Variants in RHOT1 observed in about 807,000 individuals in gnomAD.
RHOT1 encodes the protein ras homolog family member T1.
In RHOT1, 27 loss-of-function variants were observed where a neutral mutation model predicts 95.3. The ratio of observed to expected loss-of-function variants is 0.28; its 90% confidence interval spans 0.21 to 0.39. RHOT1 has a LOEUF of 0.39. Among genes scored for constraint, RHOT1 ranks in the 10% least tolerant of loss-of-function variants. RHOT1 has a pLI of 1.00. For missense variants in RHOT1, 578 were observed against 786.7 expected (o/e 0.73, Z 3.17); for synonymous variants, 227 against 263.5 (o/e 0.86, Z 1.34).
chr17:32,148,697 A>C (rs932383154), intron 1 of RHOT1, among the ~76,000 whole-genome samples: 1 of 152,250 alleles, frequency 6.6e-6, no homozygotes, highest in Admixed American at 6.5e-5. Flanking sequence ...TAACTTAGGA[A>C]GAGCCAACAA....
intron 6 of RHOT1, among the ~76,000 whole-genome samples, chr17:32,182,242 C>G (rs2035694134): frequency 6.6e-6 from 1 of 152,066 alleles, no homozygotes. Flanking sequence ...TAGCTCATAC[C>G]TATCATCCCA....
chr17:32,161,400 A>G (rs965823069), intron 1 of RHOT1, among the ~76,000 whole-genome samples: 3 of 152,222 alleles, frequency 2.0e-5, no homozygotes, highest in East Asian at 1.9e-4. Flanking sequence ...TGTAGGCTCT[A>G]TTATCGTGAT....
intron 14 of RHOT1, among the ~76,000 whole-genome samples, chr17:32,202,518 ATGTT>A (rs1405222365): frequency 2.0e-5 from 3 of 152,182 alleles, no homozygotes; most frequent in African/African-American, 7.2e-5. Context: ...GATGAAATAA[ATGTT>A]TGGTTACTCG....
In RHOT1 at chr17:32,225,246, C is replaced by G. The variant is rs2039063833; in HGVS notation, c.*513C>G. ...ATACAAGTCAGTGTCAGCTTACCAA[C>G]ATGACATTTTTTCAGTCAGTTGTGG... On this transcript the variant is annotated 3_prime_UTR_variant, in exon 20 of 20. Coordinates refer to ENST00000545287, the MANE Select transcript of RHOT1 (RefSeq NM_001033566.3). The G allele has an allele frequency of 6.5e-6, 1 of 153,660 alleles. No homozygotes were observed. Among genetic ancestry groups the G allele is most frequent in the Non-Finnish European group, 1.5e-5 (1 of 68,704 alleles). 9.5% of individuals were successfully genotyped at this position (153,660 alleles called of 1,614,324 possible).
intron 18 of RHOT1, among the ~76,000 whole-genome samples, chr17:32,210,458 C>G (rs2038050880): frequency 1.3e-5 from 2 of 152,204 alleles, no homozygotes; most frequent in Non-Finnish European, 2.9e-5. Flanking sequence ...CCCAGAGTTT[C>G]ATACTGTCAT....
At chr17:32,165,864 T>C (rs912020325) in intron 1 of RHOT1, among the ~76,000 whole-genome samples, 4 of 152,078 alleles carry the variant, frequency 2.6e-5, no homozygotes, top group Non-Finnish European at 5.9e-5. Context: ...GCTCACAAAT[T>C]TTTTTGTTTT....
chr17:32,170,339 CAG>C (rs2034477910), intron 1 of RHOT1, among the ~76,000 whole-genome samples: 2 of 152,016 alleles, frequency 1.3e-5, no homozygotes, highest in African/African-American at 2.4e-5. Context: ...CGCATGAACC[CAG>C]GTGGTGGGGA....
intron 19 of RHOT1, among the ~76,000 whole-genome samples, chr17:32,220,518 G>A (rs17182651): frequency 0.077 from 11,733 of 152,134 alleles, 615 homozygotes; most frequent in Non-Finnish European, 0.11. Flanking sequence ...TGTGTTTGCA[G>A]CTGTGTAAAA....
intron 17 of RHOT1, chr17:32,207,583 T>C (rs2142889942): frequency 6.5e-6 from 1 of 154,148 alleles, no homozygotes; most frequent in South Asian, 2.0e-4. Context: ...AATAATCTAG[T>C]GGAATGTTAG....
Position 32,142,621 on chromosome 17 carries a change from G to C in RHOT1, c.-72G>C. Reference sequence around the variant, plus strand: ...GAAGAGGCTGGCAGGTGGCGCCGTGGGGTGGGTGCTCCTGGTGAGAGGAGT... The same window carrying C: ...GAAGAGGCTGGCAGGTGGCGCCGTGCGGTGGGTGCTCCTGGTGAGAGGAGT... On this transcript the variant is annotated 5_prime_UTR_variant, in exon 1 of 20. Coordinates refer to ENST00000545287, the MANE Select transcript of RHOT1 (RefSeq NM_001033566.3). 2 of 1,330,054 alleles carry C rather than the reference G, an allele frequency of 1.5e-6. No individual in the cohort carries two copies. The highest frequency in any genetic ancestry group is 1.6e-5 in the South Asian group (1 of 63,022). 82.4% of individuals were successfully genotyped at this position (1,330,054 alleles called of 1,614,324 possible). A position where few individuals can be genotyped will look rare whatever the true frequency, so the allele number is the denominator to read the frequency against.
chr17:32,203,395 C>T (rs1316106466), intron 15 of RHOT1, among the ~76,000 whole-genome samples: 1 of 151,138 alleles, frequency 6.6e-6, no homozygotes, highest in African/African-American at 2.4e-5. Context: ...CCCACCTCAG[C>T]CCCTGGAGCA....
intron 6 of RHOT1, among the ~76,000 whole-genome samples, chr17:32,178,289 T>C (rs965631230): frequency 6.7e-5 from 10 of 148,696 alleles, no homozygotes; most frequent in Admixed American, 2.1e-4. Context: ...TGCCTCGGGC[T>C]CCCATGATTC....
chr17:32,169,524 A>G (rs565753289), intron 1 of RHOT1, among the ~76,000 whole-genome samples: 79 of 152,344 alleles, frequency 5.2e-4, no homozygotes, highest in African/African-American at 1.8e-3. Context: ...CTATGGAAGA[A>G]AGAATGTAGA....
intron 6 of RHOT1, among the ~76,000 whole-genome samples, chr17:32,182,513 G>A (rs2035722794): frequency 6.6e-6 from 1 of 152,090 alleles, no homozygotes; most frequent in South Asian, 2.1e-4. Context: ...AACAGAATGG[G>A]TAGGACCTTC....
intron 8 of RHOT1, among the ~76,000 whole-genome samples, chr17:32,190,225 G>T (rs767438446): frequency 1.6e-4 from 24 of 152,134 alleles, no homozygotes; most frequent in Non-Finnish European, 1.0e-4. Context: ...GGGGGCCGAG[G>T]CAGGCAGATC....
intron 6 of RHOT1, among the ~76,000 whole-genome samples, chr17:32,180,446 G>T (rs1291178901): frequency 2.6e-5 from 4 of 151,868 alleles, no homozygotes; most frequent in African/African-American, 9.7e-5. Context: ...TTAAACAGAT[G>T]CTTGAAGGCA....
chr17:32,217,034 A>G (rs1212557787), intron 19 of RHOT1, among the ~76,000 whole-genome samples: 2 of 152,120 alleles, frequency 1.3e-5, no homozygotes, highest in Admixed American at 6.6e-5. Context: ...TAATTTTTAA[A>G]TTTTTTGTCA....
chr17:32,213,197 C>G (rs1046895216), intron 19 of RHOT1, among the ~76,000 whole-genome samples: 1 of 152,196 alleles, frequency 6.6e-6, no homozygotes, highest in Non-Finnish European at 1.5e-5. Flanking sequence ...AATCTAAATG[C>G]AGATACATAT....
chr17:32,178,069 C>T (rs1276193266), intron 6 of RHOT1, among the ~76,000 whole-genome samples: 4 of 152,026 alleles, frequency 2.6e-5, no homozygotes, highest in South Asian at 4.1e-4. Flanking sequence ...AAGTGATCCA[C>T]CTGCCTTGGC....
Sources: gnomAD v4.1 joint callset for allele counts (sites outside exome capture counted in the v4.1 genomes callset) on GRCh38, gnomAD v4.1.1 for gene constraint, MANE v1.5 for transcripts, NCBI Gene and HGNC (gene_info 2026-07-23, HGNC 2026-07-21) for gene names.